The following MINDY3 variants were observed in gnomAD, a reference collection of about 807,000 sequenced individuals.
MINDY3 encodes the protein ubiquitin carboxyl-terminal hydrolase MINDY-3.
A neutral mutation model predicts 69.2 loss-of-function variants in MINDY3; 38 were observed. The ratio of observed to expected loss-of-function variants is 0.55; its 90% CI spans 0.42 to 0.72. The LOEUF is 0.72. Among genes scored for constraint, MINDY3 ranks in the 30% least tolerant of loss-of-function variants. The pLI is 0.00. For missense variants in MINDY3, 522 were observed against 519.0 expected (o/e 1.01, Z -0.06); for synonymous variants, 192 against 180.1 (o/e 1.07, Z -0.53).
intron 10 of MINDY3, among the ~76,000 whole-genome samples, chr10:15,796,628 AC>A (rs938830161): frequency 1.7e-4 from 26 of 152,188 alleles, no homozygotes; most frequent in African/African-American, 6.3e-4. Flanking sequence ...AAATAATGAT[AC>A]AATGAGATAG....
rs59260806 is a variant in MINDY3 at position 15,850,729 on chromosome 10, G to C, written c.95-2786C>G. Among the ~76,000 whole-genome samples, 1,339 of 152,112 alleles carry C rather than the reference G, an allele frequency of 8.8e-3. 24 individuals carry two copies. The highest frequency in any genetic ancestry group is 0.03 in the African/African-American group (1,262 of 41,478). On this transcript the variant is annotated intron_variant, in intron 1 of 14. Transcript: ENST00000277632. ...TCATCAGCAATTCTAATTTTGCCCT[G>C]GTCCTGTGATCTCACTCTGCCCCCA...
chr10:15,792,322 T>TC (rs992401595), intron 11 of MINDY3, among the ~76,000 whole-genome samples: 2 of 152,090 alleles, frequency 1.3e-5, no homozygotes, highest in Non-Finnish European at 2.9e-5. Flanking sequence ...AGTGGTTGAC[T>TC]CATAGCTGCT....
intron 1 of MINDY3, 34 bp downstream of exon 1, chr10:15,860,172 A>T (rs1405071464): frequency 2.0e-6 from 3 of 1,512,048 alleles, no homozygotes; most frequent in Admixed American, 3.7e-5. Flanking sequence ...CAAAAGAAGC[A>T]GCGGCTGCAA....
chr10:15,842,556 G>T (rs1269536474), intron 3 of MINDY3, among the ~76,000 whole-genome samples: 2 of 151,806 alleles, frequency 1.3e-5, no homozygotes, highest in Non-Finnish European at 3.0e-5. Context: ...ATCATTAGTA[G>T]ATTCTATAGT....
intron 10 of MINDY3, among the ~76,000 whole-genome samples, chr10:15,797,224 T>TA (rs1209305410): frequency 2.6e-5 from 4 of 152,062 alleles, no homozygotes; most frequent in Non-Finnish European, 4.4e-5. Flanking sequence ...ACCTTATTTA[T>TA]AAAAAACAGG....
intron 6 of MINDY3, among the ~76,000 whole-genome samples, 155 bp downstream of exon 6, chr10:15,837,049 T>G (rs1234372097): frequency 6.6e-6 from 1 of 151,856 alleles, no homozygotes; most frequent in East Asian, 1.9e-4. Flanking sequence ...AACGAGTGAG[T>G]GCTGAGGAAA....
chr10:15,839,300 T>C (rs962776514), intron 4 of MINDY3, among the ~76,000 whole-genome samples: 1 of 151,674 alleles, frequency 6.6e-6, no homozygotes, highest in Non-Finnish European at 1.5e-5. Flanking sequence ...AAGTTATTTC[T>C]TGGTTTATGT....
chr10:15,830,877 C>A (rs1398936002), intron 8 of MINDY3, among the ~76,000 whole-genome samples: 1 of 152,142 alleles, frequency 6.6e-6, no homozygotes, highest in African/African-American at 2.4e-5. Flanking sequence ...AGGTTTGTGG[C>A]CTGGTCGTTA....
rs566429840 is a variant in MINDY3, at chr10:15,848,717, C to G, written c.95-774G>C. ...GTACATGTGTTTATATTGGCTTTAC[C>G]TTAATTTAAATATTACCCAACCAGC... is the stretch of plus-strand genomic sequence containing the variant. On this transcript the variant is annotated intron_variant, in intron 1 of 14. Transcript: ENST00000277632. 1.1e-3 allele frequency among the ~76,000 whole-genome samples: 162 copies of G among 147,840 alleles called. 1 individual carries two copies. Among genetic ancestry groups the G allele is most frequent in the African/African-American group, 3.9e-3 (155 of 39,750 alleles).
At chr10:15,811,300 A>G (rs1204789525) in intron 10 of MINDY3, among the ~76,000 whole-genome samples, 27 of 152,168 alleles carry the variant, frequency 1.8e-4, no homozygotes, top group Admixed American at 1.8e-3. Context: ...CCAATATACT[A>G]TACTACTTTC....
Position 15,778,940 on chromosome 10 carries a change from T to A in MINDY3, c.*52A>T. On this transcript the variant is annotated 3_prime_UTR_variant, in exon 15 of 15. Coordinates refer to ENST00000277632, the MANE Select transcript of MINDY3 (RefSeq NM_024948.4). ...AATCCAGCCAATTGCCAGTCTTGACTCCTTCTTTCAACATCTGTTATTAAG... is the reference window on the plus strand; with the variant it reads ...AATCCAGCCAATTGCCAGTCTTGACACCTTCTTTCAACATCTGTTATTAAG... 3.2e-6 allele frequency: 5 copies of A among 1,543,240 alleles called. No individual in the cohort carries two copies. In the South Asian group the frequency reaches 5.9e-5, roughly 18 times the overall value.
At chr10:15,848,405 C>G (rs955794077) in intron 1 of MINDY3, among the ~76,000 whole-genome samples, 13 of 152,068 alleles carry the variant, frequency 8.5e-5, no homozygotes, top group Admixed American at 6.5e-5. Flanking sequence ...GAGGCAGAGG[C>G]GGGCGGATCA....
At chr10:15,856,216 G>A (rs559825653) in intron 1 of MINDY3, among the ~76,000 whole-genome samples, 92 of 151,688 alleles carry the variant, frequency 6.1e-4, no homozygotes, top group African/African-American at 2.0e-3. Flanking sequence ...ACCCAAACAC[G>A]CCTTTAAACC....
Position 15,858,824 on chromosome 10 carries a change from C to G in MINDY3, c.94+1382G>C, listed in dbSNP as rs74963711. On this transcript the variant is annotated intron_variant, in intron 1 of 14. Coordinates refer to ENST00000277632, the MANE Select transcript of MINDY3 (RefSeq NM_024948.4). ...AAGTAAATTTTTTCTTAGTCTTTCA[C>G]AGTATTTTAGAGCTGCTTACTATTA... 1.2e-3 allele frequency among the ~76,000 whole-genome samples: 177 copies of G among 152,170 alleles called. 4 individuals are homozygous for G. In the East Asian group the frequency reaches 0.027, roughly 23 times the overall value.
intron 12 of MINDY3, among the ~76,000 whole-genome samples, chr10:15,786,913 A>G (rs932690302): frequency 6.6e-6 from 1 of 152,210 alleles, no homozygotes; most frequent in African/African-American, 2.4e-5. Flanking sequence ...AAAGTAATTT[A>G]AAAACCAAGG....
intron 14 of MINDY3, 84 bp from the exon 15 acceptor site, chr10:15,779,225 G>A: frequency 8.1e-7 from 1 of 1,228,812 alleles, no homozygotes. Flanking sequence ...TTAGAGGCTA[G>A]CAAATAAGGT....
At chr10:15,797,380 C>T (rs1179825040) in intron 10 of MINDY3, among the ~76,000 whole-genome samples, 1 of 152,080 alleles carries the variant, frequency 6.6e-6, no homozygotes, top group Non-Finnish European at 1.5e-5. Flanking sequence ...ATTTACCATC[C>T]CTTGCTAGAA....
chr10:15,782,275 G>T, intron 13 of MINDY3, 49 bp from the exon 14 acceptor site: 1 of 1,254,398 alleles, frequency 8.0e-7, no homozygotes, highest in Non-Finnish European at 1.1e-6. Flanking sequence ...TTTATATCAG[G>T]CAATTTCTAA....
chr10:15,807,127 G>C (rs935262639), intron 10 of MINDY3, among the ~76,000 whole-genome samples: 2 of 152,224 alleles, frequency 1.3e-5, no homozygotes, highest in Admixed American at 1.3e-4. Flanking sequence ...GATTAAATGA[G>C]GAATGCTCCT....
Sources: allele counts gnomAD v4.1 joint callset (sites outside exome capture counted in the v4.1 genomes callset), GRCh38; gene constraint gnomAD v4.1.1; transcripts MANE v1.5; gene names NCBI Gene and HGNC (gene_info 2026-07-23, HGNC 2026-07-21).